ADAMTS12: variants seen among roughly 807,000 people sequenced by gnomAD.
ADAMTS12 encodes ADAM metallopeptidase with thrombospondin type 1 motif 12.
A neutral mutation model predicts 167.8 loss-of-function variants in ADAMTS12; 118 were observed. The ratio of observed to expected loss-of-function variants is 0.70; its 90% CI spans 0.61 to 0.82. ADAMTS12 has a LOEUF of 0.82. Among genes scored for constraint, ADAMTS12 ranks in the 40% least tolerant of loss-of-function variants. The pLI is 0.00. For synonymous variants in ADAMTS12, 704 were observed against 716.9 expected (o/e 0.98, Z 0.29); for missense variants, 1,916 against 1,998.8 (o/e 0.96, Z 0.79).
At chr5:33,647,197 G>A (rs1227835670) in intron 9 of ADAMTS12, among the ~76,000 whole-genome samples, 2 of 152,076 alleles carry the variant, frequency 1.3e-5, no homozygotes, top group Admixed American at 6.5e-5. Flanking sequence ...AGAGGAGAGC[G>A]AATTATGAAG....
chr5:33,546,124 G>GTT lies in ADAMTS12; in HGVS notation c.4380_4381insAA (p.Pro1461AsnfsTer93), dbSNP rs1744970820. ...TCATTGCAAGACATGGTGGATGTGG[G>GTT]TCTTTTTGTCCAATCACAGAGGCCT... is the stretch of plus-strand genomic sequence containing the variant. On this transcript the variant is annotated frameshift_variant, in exon 22 of 24. Coordinates refer to ENST00000504830, the MANE Select transcript of ADAMTS12 (RefSeq NM_030955.4). LOFTEE classifies it high-confidence loss of function. The GTT allele has an allele frequency of 6.2e-7, 1 of 1,613,888 alleles. No homozygotes were observed. The highest frequency in any genetic ancestry group is 8.5e-7 in the Non-Finnish European group (1 of 1,179,994).
intron 2 of ADAMTS12, among the ~76,000 whole-genome samples, chr5:33,832,732 C>A (rs1440983451): frequency 2.0e-5 from 3 of 152,134 alleles, no homozygotes; most frequent in East Asian, 1.9e-4. Context: ...AGGATGGTTA[C>A]AAAGAGCTGG....
intron 12 of ADAMTS12, among the ~76,000 whole-genome samples, chr5:33,633,009 A>G (rs1236028795): frequency 6.6e-6 from 1 of 151,744 alleles, no homozygotes; most frequent in Non-Finnish European, 1.5e-5. Flanking sequence ...TGATGCCATG[A>G]TCTACTCAGT....
chr5:33,591,628 C>T (rs182646745), intron 17 of ADAMTS12, among the ~76,000 whole-genome samples: 2 of 152,274 alleles, frequency 1.3e-5, no homozygotes, highest in Admixed American at 1.3e-4. Context: ...CTCATTTTCC[C>T]TAGCTTTCTT....
chr5:33,599,759 G>A (rs1445748279), intron 16 of ADAMTS12, among the ~76,000 whole-genome samples: 1 of 152,136 alleles, frequency 6.6e-6, no homozygotes, highest in Non-Finnish European at 1.5e-5. Flanking sequence ...TTCATCTTCA[G>A]TGATACACTC....
At chr5:33,666,790 C>T (rs1741487296) in intron 5 of ADAMTS12, among the ~76,000 whole-genome samples, 1 of 152,074 alleles carries the variant, frequency 6.6e-6, no homozygotes, top group African/African-American at 2.4e-5. Context: ...CATGCCCGGC[C>T]ACCATACAGG....
chr5:33,816,306 TAACA>T (rs1337735167), intron 2 of ADAMTS12, among the ~76,000 whole-genome samples: 1 of 152,192 alleles, frequency 6.6e-6, no homozygotes, highest in Non-Finnish European at 1.5e-5. Context: ...ATGCAGTACC[TAACA>T]GTTTTTGTGA....
At position 33,780,514 on chromosome 5, in the gene ADAMTS12, G is replaced by A. The variant is rs539090509; in HGVS notation, c.490-28966C>T. On this transcript the variant is annotated intron_variant, in intron 2 of 23. Transcript: ENST00000504830. Reference sequence around the variant, plus strand: ...AAAACCAGTGGTGCCTCCTTAAGGCGAGGTGGTTACAGAGATTGGAAGCAC... The same window carrying A: ...AAAACCAGTGGTGCCTCCTTAAGGCAAGGTGGTTACAGAGATTGGAAGCAC... 5.9e-5 allele frequency among the ~76,000 whole-genome samples: 9 copies of A among 152,230 alleles called. No individual in the cohort carries two copies. The South Asian group carries it at 8.3e-4, about 14-fold the overall frequency.
intron 3 of ADAMTS12, among the ~76,000 whole-genome samples, chr5:33,696,353 A>C (rs971886203): frequency 6.6e-6 from 1 of 150,730 alleles, no homozygotes; most frequent in Non-Finnish European, 1.5e-5. Flanking sequence ...CCCGGGAGGC[A>C]GAGCTTGCAG....
intron 1 of ADAMTS12, among the ~76,000 whole-genome samples, chr5:33,885,660 A>G (rs944425677): frequency 6.6e-6 from 1 of 152,202 alleles, no homozygotes; most frequent in Admixed American, 6.5e-5. Flanking sequence ...TCTGACAATG[A>G]TCACTCCCGA....
chr5:33,588,421 C>A (rs1747465180), intron 18 of ADAMTS12, among the ~76,000 whole-genome samples, 178 bp downstream of exon 18: 1 of 152,126 alleles, frequency 6.6e-6, no homozygotes, highest in African/African-American at 2.4e-5. Context: ...GGAGCAAGAT[C>A]CCCTATGAAT....
intron 2 of ADAMTS12, among the ~76,000 whole-genome samples, chr5:33,879,768 T>G (rs190754070): frequency 6.6e-6 from 1 of 152,234 alleles, no homozygotes; most frequent in Non-Finnish European, 1.5e-5. Flanking sequence ...GGATAATGTT[T>G]TACTGAATTT....
intron 3 of ADAMTS12, among the ~76,000 whole-genome samples, chr5:33,724,648 T>A (rs2112341399): frequency 6.6e-6 from 1 of 151,808 alleles, no homozygotes; most frequent in South Asian, 2.1e-4. Flanking sequence ...GCCTCCCGGG[T>A]TCACGCCATT....
chr5:33,843,384 T>C (rs116508382), intron 2 of ADAMTS12, among the ~76,000 whole-genome samples: 2 of 151,464 alleles, frequency 1.3e-5, no homozygotes, highest in South Asian at 4.2e-4. Context: ...TGGCTTGACA[T>C]GGAGGTCAGA....
intron 2 of ADAMTS12, among the ~76,000 whole-genome samples, chr5:33,857,036 A>T (rs776625872): frequency 6.6e-6 from 1 of 152,242 alleles, no homozygotes; most frequent in Admixed American, 6.5e-5. Context: ...AAGAAATTCA[A>T]TACATGTACA....
chr5:33,828,217 A>G (rs1433894524), intron 2 of ADAMTS12, among the ~76,000 whole-genome samples: 1 of 152,226 alleles, frequency 6.6e-6, no homozygotes, highest in African/African-American at 2.4e-5. Context: ...AGACTTTGTC[A>G]ATCTCCCAGG....
chr5:33,666,100 C>T (rs1356056754), intron 5 of ADAMTS12, among the ~76,000 whole-genome samples: 1 of 152,250 alleles, frequency 6.6e-6, no homozygotes, highest in Non-Finnish European at 1.5e-5. Context: ...CCTGCTCCCA[C>T]ACTGTGGAGT....
At position 33,706,901 on chromosome 5, in the gene ADAMTS12, G is replaced by A. The variant is rs112158177; in HGVS notation, c.635-22846C>T. 4.4e-4 allele frequency among the ~76,000 whole-genome samples: 67 copies of A among 152,286 alleles called. No individual in the cohort carries two copies. The South Asian group carries it at 6.2e-3, about 14-fold the overall frequency. On this transcript the variant is annotated intron_variant, in intron 3 of 23. Coordinates refer to ENST00000504830, the MANE Select transcript of ADAMTS12 (RefSeq NM_030955.4). ...CCCTTTGAAAACTGGAACAAGACAA[G>A]TATGCCCTTTCTCACCACTCCTATT...
At chr5:33,729,792 A>AAATAAAGGAAGAGACACTGGC (rs1744114985) in intron 3 of ADAMTS12, among the ~76,000 whole-genome samples, 2 of 152,130 alleles carry the variant, frequency 1.3e-5, no homozygotes, top group African/African-American at 4.8e-5. Context: ...GTTTCTCTCT[A>AAATAAAGGAAGAGACACTGGC]AATAAAGGAA....
Sources: allele counts gnomAD v4.1 joint callset (sites outside exome capture counted in the v4.1 genomes callset), GRCh38; gene constraint gnomAD v4.1.1; transcripts MANE v1.5; gene names NCBI Gene and HGNC (gene_info 2026-07-23, HGNC 2026-07-21).